Variants in FDXR observed in about 807,000 individuals in gnomAD.
The protein encoded by FDXR is NADPH:adrenodoxin oxidoreductase, mitochondrial.
FDXR carries 38 observed loss-of-function variants against 58.3 expected under a neutral mutation model. The observed-to-expected ratio is 0.65, with a 90% confidence interval of 0.50 to 0.85. FDXR has a LOEUF of 0.85. Ranked by LOEUF, FDXR falls within the 40% of genes least tolerant of loss-of-function variation. The pLI is 0.00. For missense variants in FDXR, 624 were observed against 671.0 expected (o/e 0.93, Z 0.77); for synonymous variants, 275 against 273.8 (o/e 1.00, Z -0.04).
In FDXR at chr17:74,872,850, G is replaced by C; in HGVS notation, c.79+16C>G. The C allele has an allele frequency of 6.5e-7, 1 of 1,545,902 alleles. No homozygotes were observed. Among genetic ancestry groups the C allele is most frequent in the Non-Finnish European group, 8.7e-7 (1 of 1,146,712 alleles). On this transcript the variant is annotated intron_variant, in intron 1 of 11. Coordinates refer to ENST00000293195, the MANE Select transcript of FDXR (RefSeq NM_024417.5). ...CCCCGCGCTCCCATCCAGCCCCAAA[G>C]GCGCCCTGCTCCTACTCGGGGTGCT...
intron 2 of FDXR, among the ~76,000 whole-genome samples, chr17:74,867,388 C>T (rs1215745600): frequency 1.3e-5 from 2 of 151,648 alleles, no homozygotes; most frequent in Non-Finnish European, 2.9e-5. Context: ...CTGACAAGGC[C>T]GTGGCTTCCC....
chr17:74,872,358 C>CTAG (rs2038401813), intron 1 of FDXR: 1 of 1,251,794 alleles, frequency 8.0e-7, no homozygotes, highest in South Asian at 1.3e-5. Flanking sequence ...CATGAACCTA[C>CTAG]TACACCACTG....
chr17:74,862,920 C>T lies in FDXR; in HGVS notation c.1373G>A (p.Trp458Ter). ...CACCTCCTCGGCATCCAGCTTCTCC[C>T]AGTCTGAGAAAGAGACTGGCCGGAC... is the stretch of plus-strand genomic sequence containing the variant. ...RGVRPVSFSD[W>*]EKLDAEEVAR... is the part of the protein sequence containing the mutation. The change falls in exon 12 of 12, where the codon TGG becomes TAG. Residue 458 changes from tryptophan (W) to a stop codon, truncating the protein, a stop_gained. Transcript: ENST00000293195. LOFTEE classifies it high-confidence loss of function. 3 of 1,612,820 alleles carry T rather than the reference C, an allele frequency of 1.9e-6. No individual in the cohort carries two copies. The highest frequency in any genetic ancestry group is 1.6e-4 in the Middle Eastern group (1 of 6,062).
chr17:74,866,291 A>C (rs747546591), intron 4 of FDXR, 47 bp from the exon 5 acceptor site: 2 of 1,583,548 alleles, frequency 1.3e-6, no homozygotes. Flanking sequence ...CAGCACCAGC[A>C]CTGATAGGCC....
rs369903298 is a variant in FDXR, at chr17:74,864,872, C to G, written c.669G>C (p.Val223=). The G allele has an allele frequency of 9.2e-5, 148 of 1,614,058 alleles. No homozygotes were observed. In the Middle Eastern group the frequency reaches 1.3e-3, roughly 14 times the overall value. The change falls in exon 7 of 12, where the codon GTG becomes GTC. Residue 223 remains valine, a synonymous_variant. Transcript: ENST00000293195. ...GGGGTCCACGCCGGCCCACTAGCCA[C>G]ACTGTCTTCACTCGACTCTGCCTCA... The part of the protein sequence containing the change: ...GVLRQSRVKT[V]WLVGRRGPLQ...
intron 6 of FDXR, 109 bp from the exon 7 acceptor site, chr17:74,865,040 T>A (rs1277180483): frequency 2.0e-6 from 3 of 1,509,946 alleles, no homozygotes; most frequent in Admixed American, 1.8e-5. Context: ...CGGCTCAAAA[T>A]TGCGCCACTG....
intron 5 of FDXR, 40 bp downstream of exon 5, chr17:74,866,091 G>A (rs766909104): frequency 1.4e-6 from 2 of 1,437,128 alleles, no homozygotes; most frequent in South Asian, 1.2e-5. Flanking sequence ...GGGCTGAGGG[G>A]CGGGGAGGAA....
chr17:74,869,582 C>T (rs1217254934), intron 2 of FDXR, among the ~76,000 whole-genome samples: 1 of 152,148 alleles, frequency 6.6e-6, no homozygotes, highest in African/African-American at 2.4e-5. Flanking sequence ...CTATTGTCCC[C>T]CAACCTGACA....
chr17:74,869,949 C>A, intron 2 of FDXR: 1 of 453,482 alleles, frequency 2.2e-6, no homozygotes, highest in Non-Finnish European at 4.5e-6. Flanking sequence ...AGCATCCTTA[C>A]CTGTGAAGCA....
chr17:74,872,869 G>C lies in FDXR; in HGVS notation c.76C>G (p.Pro26Ala). The C allele has an allele frequency of 1.3e-6, 2 of 1,547,680 alleles. No individual in the cohort carries two copies. The highest frequency in any genetic ancestry group is 1.7e-6 in the Non-Finnish European group (2 of 1,146,990). ...RTRLPPAGSTPSFCHHFSTQE... is the reference protein window; with the variant it reads ...RTRLPPAGSTASFCHHFSTQE... ...CCCAAAGGCGCCCTGCTCCTACTCG[G>C]GGTGCTCCCGGCGGGAGGCAGCCGG... The change falls in exon 1 of 12, where the codon CCG becomes GCG. Residue 26 changes from proline (P) to alanine (A), a missense_variant. Coordinates refer to ENST00000293195, the MANE Select transcript of FDXR (RefSeq NM_024417.5).
chr17:74,868,871 C>T, intron 2 of FDXR: 2 of 857,852 alleles, frequency 2.3e-6, no homozygotes, highest in South Asian at 3.6e-5. Context: ...CCTGCCCAGA[C>T]ATCTCCCCAA....
At chr17:74,868,575 C>A (rs188998902) in intron 2 of FDXR, 4 of 1,535,344 alleles carry the variant, frequency 2.6e-6, no homozygotes, top group Admixed American at 2.0e-5. Flanking sequence ...TTCTTTCCTG[C>A]GACAGATCCT....
intron 2 of FDXR, among the ~76,000 whole-genome samples, chr17:74,871,775 T>C (rs570927774): frequency 1.6e-4 from 24 of 152,110 alleles, no homozygotes; most frequent in Non-Finnish European, 2.9e-4. Flanking sequence ...CCTGGAGTGC[T>C]TGGCCAGGGA....
At position 74,866,451 on chromosome 17, in the gene FDXR, C is replaced by T. The variant is rs1181726176; in HGVS notation, c.388G>A (p.Val130Met). 2 of 1,612,996 alleles carry T rather than the reference C, an allele frequency of 1.2e-6. No individual in the cohort carries two copies. Among genetic ancestry groups the T allele is most frequent in the African/African-American group, 1.3e-5 (1 of 74,910 alleles). Reference sequence around the variant, plus strand: ...CAGGGCCTAGCTGCACTCACCAGCACCACAGCGTGGTAGGCCTCCTGCAGC... The same window carrying T: ...CAGGGCCTAGCTGCACTCACCAGCATCACAGCGTGGTAGGCCTCCTGCAGC... ...PELQEAYHAV[V>M]LSYGAEDHRA... Residue 130 changes from valine (V) to methionine (M), a missense_variant, in exon 4 of 12, where the codon GTG becomes ATG. Transcript: ENST00000293195.
chr17:74,864,563 T>C lies in FDXR; in HGVS notation c.719A>G (p.Glu240Gly). The C allele has an allele frequency of 6.2e-7, 1 of 1,613,612 alleles. No homozygotes were observed. Among genetic ancestry groups the C allele is most frequent in the Non-Finnish European group, 8.5e-7 (1 of 1,179,714 alleles). The change falls in exon 8 of 12, where the codon GAG (glutamate) becomes GGG (glycine). Residue 240 changes from glutamate to glycine, a missense_variant and splice_region_variant. Transcript: ENST00000293195. ...CGGTAACTGAATCATCTCCCGAAGC[T>C]CCTTGAAGGTGGGAGCAGGGAATGG... ...GPLQVAFTIK[E>G]LREMIQLPGA...
chr17:74,872,426 C>T, intron 1 of FDXR: 1 of 731,352 alleles, frequency 1.4e-6, no homozygotes. Flanking sequence ...ATCCCACATC[C>T]TTCCAACGGC....
At chr17:74,872,694 C>G in intron 1 of FDXR, 172 bp downstream of exon 1, 3 of 1,417,804 alleles carry the variant, frequency 2.1e-6, no homozygotes, top group Non-Finnish European at 2.8e-6. Context: ...AGCCTCACAT[C>G]TCACGCACAG....
chr17:74,871,672 C>T (rs1435930386), intron 2 of FDXR, among the ~76,000 whole-genome samples: 2 of 152,010 alleles, frequency 1.3e-5, no homozygotes, highest in Non-Finnish European at 2.9e-5. Flanking sequence ...TGGGTAGCCT[C>T]GAGATGTAGG....
chr17:74,868,645 G>T, intron 2 of FDXR: 1 of 1,535,398 alleles, frequency 6.5e-7, no homozygotes, highest in Non-Finnish European at 8.7e-7. Flanking sequence ...TCTGCCGGAT[G>T]TTCTTACCCC....
Sources: gnomAD v4.1 joint callset for allele counts (sites outside exome capture counted in the v4.1 genomes callset) on GRCh38, gnomAD v4.1.1 for gene constraint, MANE v1.5 for transcripts, NCBI Gene and HGNC (gene_info 2026-07-23, HGNC 2026-07-21) for gene names.